Variants in CACNA2D3 observed in about 807,000 individuals in gnomAD.
CACNA2D3 encodes calcium voltage-gated channel auxiliary subunit alpha2delta 3, also known as voltage-dependent calcium channel subunit alpha-2/delta-3.
A neutral mutation model predicts 160.6 loss-of-function variants in CACNA2D3; 60 were observed. The ratio of observed to expected loss-of-function variants is 0.37; its 90% CI spans 0.30 to 0.46. The LOEUF (loss-of-function observed/expected upper bound fraction) is 0.46. Among genes scored for constraint, CACNA2D3 ranks in the 20% least tolerant of loss-of-function variants. The pLI, the probability that CACNA2D3 is intolerant of heterozygous loss-of-function variation, is 1.00. For missense variants in CACNA2D3, 1,205 were observed against 1,365.0 expected, an observed-to-expected ratio of 0.88 and a Z score of 1.85; for synonymous variants, 558 against 492.9, an observed-to-expected ratio of 1.13 and a Z score of -1.75.
At chr3:55,058,557 G>C (rs1411144297) in intron 35 of CACNA2D3, among the ~76,000 whole-genome samples, 1 of 151,844 alleles carries the variant, frequency 6.6e-6, no homozygotes, top group Non-Finnish European at 1.5e-5. Flanking sequence ...TTTCTCTGGT[G>C]GTCAGCAACT....
intron 5 of CACNA2D3, among the ~76,000 whole-genome samples, chr3:54,517,742 C>T (rs11713134): frequency 0.92 from 139,363 of 152,170 alleles, 64,481 homozygotes; most frequent in Non-Finnish European, 0.98. Context: ...TGTCAGCTCA[C>T]GTCTCCTGAT....
intron 8 of CACNA2D3, among the ~76,000 whole-genome samples, chr3:54,577,948 T>C (rs1702613341): frequency 6.6e-6 from 1 of 152,198 alleles, no homozygotes; most frequent in South Asian, 2.1e-4. Context: ...AGTCCCCGTA[T>C]GCTATGTGGC....
At position 54,880,126 on chromosome 3, in the gene CACNA2D3, A is replaced by G. The variant is rs913546894; in HGVS notation, c.1845-670A>G. On this transcript the variant is annotated intron_variant, in intron 20 of 37. Coordinates refer to ENST00000474759, the MANE Select transcript of CACNA2D3 (RefSeq NM_018398.3). ...GCATTGTTGTCCTAAACTGCCAAGG[A>G]TCATGGGTGGATTCCATGTGGAACC... Among the ~76,000 whole-genome samples the G allele has an allele frequency of 4.8e-4, 73 of 152,222 alleles. 1 individual carries two copies. Among genetic ancestry groups the G allele is most frequent in the Admixed American group, 3.9e-4 (6 of 15,276 alleles).
At position 54,788,131 on chromosome 3, in the gene CACNA2D3, G is replaced by A. The variant is rs1702676240; in HGVS notation, c.1380+23780G>A. 2.6e-5 allele frequency among the ~76,000 whole-genome samples: 4 copies of A among 152,080 alleles called. No individual in the cohort carries two copies. In the South Asian group the frequency reaches 8.3e-4, roughly 32 times the overall value. On this transcript the variant is annotated intron_variant, in intron 13 of 37. Transcript: ENST00000474759. ...TAATTAGCATCCTGCTGTATTCTGT[G>A]ACTTCATATTTTCTTTTATCTTTTA... is the stretch of plus-strand genomic sequence containing the variant.
chr3:54,788,293 C>T lies in CACNA2D3; in HGVS notation c.1380+23942C>T, dbSNP rs1316478. Among the ~76,000 whole-genome samples the T allele has an allele frequency of 1.6e-3, 251 of 152,216 alleles. 8 individuals carry two copies. Among genetic ancestry groups the T allele is most frequent in the Admixed American group, 0.016 (246 of 15,274 alleles). On this transcript the variant is annotated intron_variant, in intron 13 of 37. Coordinates refer to ENST00000474759, the MANE Select transcript of CACNA2D3 (RefSeq NM_018398.3). ...CCTCAATATAGCCTGTTGAGGTGAA[C>T]ATGTTTGGCTGATTTTCTTAACTGG... is the stretch of plus-strand genomic sequence containing the variant.
intron 4 of CACNA2D3, among the ~76,000 whole-genome samples, chr3:54,476,716 C>T (rs553948333): frequency 5.3e-5 from 8 of 152,190 alleles, no homozygotes; most frequent in Admixed American, 3.3e-4. Flanking sequence ...TTTGTTCAAA[C>T]GTCTGTTCAG....
intron 2 of CACNA2D3, among the ~76,000 whole-genome samples, chr3:54,267,915 T>G (rs1284953224): frequency 6.6e-6 from 1 of 152,218 alleles, no homozygotes; most frequent in Non-Finnish European, 1.5e-5. Flanking sequence ...CTAAAACATT[T>G]CAGCCTGGAA....
chr3:54,759,302 C>G (rs1487709972), intron 12 of CACNA2D3, among the ~76,000 whole-genome samples: 2 of 151,950 alleles, frequency 1.3e-5, no homozygotes, highest in African/African-American at 4.8e-5. Context: ...AATAAACATT[C>G]AAGACCTAGA....
intron 35 of CACNA2D3, among the ~76,000 whole-genome samples, chr3:55,060,859 G>A (rs553283092): frequency 2.6e-5 from 4 of 152,200 alleles, no homozygotes; most frequent in Admixed American, 2.0e-4. Flanking sequence ...CCTTCCTCTG[G>A]GATAAGAAAA....
At chr3:54,827,849 G>T (rs2106738937) in intron 14 of CACNA2D3, among the ~76,000 whole-genome samples, 1 of 152,290 alleles carries the variant, frequency 6.6e-6, no homozygotes, top group Non-Finnish European at 1.5e-5. Context: ...GGCATGTCTT[G>T]TGTACCAGGC....
chr3:54,977,195 G>C (rs1485120107), intron 29 of CACNA2D3, among the ~76,000 whole-genome samples: 4 of 152,148 alleles, frequency 2.6e-5, no homozygotes, highest in Middle Eastern at 3.2e-3. Context: ...GTAAAATATA[G>C]TAAAGAGTTT....
intron 9 of CACNA2D3, among the ~76,000 whole-genome samples, chr3:54,583,892 T>A (rs1269309350): frequency 2.0e-5 from 3 of 150,078 alleles, no homozygotes; most frequent in Non-Finnish European, 4.4e-5. Context: ...GGACCAACAA[T>A]AGGCACAGAT....
At chr3:54,413,440 C>T (rs1575442032) in intron 4 of CACNA2D3, among the ~76,000 whole-genome samples, 1 of 143,880 alleles carries the variant, frequency 7.0e-6, no homozygotes, top group East Asian at 2.0e-4. Flanking sequence ...ATATATATAT[C>T]TGCTTGCTCT....
intron 3 of CACNA2D3, among the ~76,000 whole-genome samples, chr3:54,343,195 C>G (rs138014449): frequency 1.4e-4 from 21 of 152,316 alleles, no homozygotes; most frequent in African/African-American, 3.4e-4. Context: ...AAAGCCCCCC[C>G]CTCCCACGAG....
intron 4 of CACNA2D3, among the ~76,000 whole-genome samples, chr3:54,400,517 A>C (rs1004487940): frequency 3.3e-5 from 5 of 152,184 alleles, no homozygotes; most frequent in African/African-American, 1.2e-4. Flanking sequence ...TGTGGAAAGA[A>C]AGAAGAGGAG....
intron 4 of CACNA2D3, among the ~76,000 whole-genome samples, chr3:54,465,643 C>A (rs1379110791): frequency 1.3e-5 from 2 of 152,176 alleles, no homozygotes; most frequent in Non-Finnish European, 2.9e-5. Flanking sequence ...TTGGAACCCT[C>A]TAGCACACAG....
At chr3:54,244,518 G>A (rs1257069644) in intron 2 of CACNA2D3, among the ~76,000 whole-genome samples, 3 of 152,202 alleles carry the variant, frequency 2.0e-5, no homozygotes, top group Admixed American at 2.0e-4. Flanking sequence ...AGGAGCCAGG[G>A]TTCCCACTGT....
At chr3:54,902,727 C>G (rs1450743871) in intron 27 of CACNA2D3, among the ~76,000 whole-genome samples, 1 of 152,174 alleles carries the variant, frequency 6.6e-6, no homozygotes, top group East Asian at 1.9e-4. Flanking sequence ...CACTCTATAA[C>G]TTGCTAAATG....
intron 4 of CACNA2D3, among the ~76,000 whole-genome samples, chr3:54,400,695 A>C (rs559871653): frequency 4.5e-4 from 68 of 152,278 alleles, no homozygotes; most frequent in Non-Finnish European, 6.5e-4. Context: ...AGGAGCTTAG[A>C]GTCACCATGC....
Sources: allele counts gnomAD v4.1 joint callset (sites outside exome capture counted in the v4.1 genomes callset), GRCh38; gene constraint gnomAD v4.1.1; transcripts MANE v1.5; gene names NCBI Gene and HGNC (gene_info 2026-07-23, HGNC 2026-07-21).